The following LONRF2 variants were observed in gnomAD, a reference collection of about 807,000 sequenced individuals.
The protein encoded by LONRF2 is LON peptidase N-terminal domain and ring finger 2.
Under a neutral mutation model 66.6 loss-of-function variants are expected in LONRF2, and 35 were observed. That is an observed-to-expected ratio of 0.53 (90% CI 0.40 to 0.70). LONRF2 has a LOEUF of 0.70. Among genes scored for constraint, LONRF2 ranks in the 30% least tolerant of loss-of-function variants. The pLI is 0.00. For synonymous variants in LONRF2, 417 were observed against 418.1 expected (o/e 1.00, Z 0.03); for missense variants, 902 against 1,002.1 (o/e 0.90, Z 1.35).
chr2:100,299,007 G>A (rs760201263), intron 6 of LONRF2, 57 bp from the exon 7 acceptor site: 2 of 1,383,834 alleles, frequency 1.4e-6, no homozygotes, highest in Non-Finnish European at 2.1e-6. Context: ...TTCAAATCAT[G>A]GACTGGTTTT....
chr2:100,287,630 T>C (rs1383064079), intron 10 of LONRF2, among the ~76,000 whole-genome samples: 1 of 152,230 alleles, frequency 6.6e-6, no homozygotes, highest in Non-Finnish European at 1.5e-5. Flanking sequence ...TGGCCTGGGC[T>C]GATGGACTCC....
chr2:100,287,141 C>A (rs924505313), intron 10 of LONRF2, 78 bp from the exon 11 acceptor site: 1 of 1,333,518 alleles, frequency 7.5e-7, no homozygotes, highest in Admixed American at 2.7e-5. Context: ...TCTGCACCTC[C>A]ACTAAGTGGA....
chr2:100,304,013 T>C (rs1223677807), intron 2 of LONRF2, among the ~76,000 whole-genome samples: 1 of 152,156 alleles, frequency 6.6e-6, no homozygotes, highest in Admixed American at 6.5e-5. Context: ...CTTTTTTCTT[T>C]CTGTTTTTTG....
intron 4 of LONRF2, 67 bp from the exon 5 acceptor site, chr2:100,299,985 C>T: frequency 1.1e-6 from 1 of 919,238 alleles, no homozygotes; most frequent in Non-Finnish European, 1.6e-6. Context: ...AAAAAGAATG[C>T]AGAAGCCTGT....
At chr2:100,306,503 C>T (rs554100213) in intron 2 of LONRF2, among the ~76,000 whole-genome samples, 1 of 152,304 alleles carries the variant, frequency 6.6e-6, no homozygotes, top group South Asian at 2.1e-4. Context: ...TATAAGTTCG[C>T]TGTTTGGGTA....
chr2:100,305,096 T>C (rs1168059744), intron 2 of LONRF2, among the ~76,000 whole-genome samples: 2 of 152,200 alleles, frequency 1.3e-5, no homozygotes, highest in Non-Finnish European at 2.9e-5. Context: ...TCTGAACTCC[T>C]GGTACTTTCA....
At position 100,321,965 on chromosome 2, in the gene LONRF2, G is replaced by C. The variant is rs1374757877; in HGVS notation, c.129C>G (p.Ala43=). The C allele has an allele frequency of 1.6e-5, 23 of 1,468,010 alleles. No individual in the cohort carries two copies. The highest frequency in any genetic ancestry group is 2.2e-5 in the Admixed American group (1 of 45,576). 90.9% of individuals were successfully genotyped at this position (1,468,010 alleles called of 1,614,324 possible). The change falls in exon 1 of 12, where the codon GCC becomes GCG. Residue 43 remains alanine (A), a synonymous_variant. Coordinates refer to ENST00000393437, the MANE Select transcript of LONRF2 (RefSeq NM_198461.4). The part of the protein sequence containing the change: ...AFRAGDYEMA[A]ELFRSMLAGL... ...CGGCTAGCATGGAGCGAAAGAGCTC[G>C]GCTGCCATCTCGTAGTCGCCCGCGC...
chr2:100,321,857 G>C lies in LONRF2; in HGVS notation c.237C>G (p.Gly79=), dbSNP rs1334437450. 2 of 1,186,116 alleles carry C rather than the reference G, an allele frequency of 1.7e-6. No individual in the cohort carries two copies. The highest frequency in any genetic ancestry group is 3.2e-5 in the African/African-American group (2 of 62,122). The allele number at this position is 1,186,116 out of a possible 1,614,324, so 73.5% of individuals were successfully genotyped here. Residue 79 remains glycine, a synonymous_variant, in exon 1 of 12, where the codon GGC becomes GGG. Transcript: ENST00000393437. The part of the protein sequence containing the change: ...ARAGRLPEAL[G]AFRGAARLGA... ...CGAGCCGCGCGGCGCCGCGGAACGC[G>C]CCCAGGGCTTCGGGGAGGCGGCCGG...
At position 100,298,877 on chromosome 2, in the gene LONRF2, G is replaced by C. The variant is rs754701521; in HGVS notation, c.1435C>G (p.His479Asp). ...TTGCACAAAGGACAGTGTGGGGCGTGGTCAAGGCAGCGCTCAAGGCATTTT... is the reference window on the plus strand; with the variant it reads ...TTGCACAAAGGACAGTGTGGGGCGTCGTCAAGGCAGCGCTCAAGGCATTTT... ...CLKCLERCLDHAPHCPLCKDK... is the reference protein window; with the variant it reads ...CLKCLERCLDDAPHCPLCKDK... Residue 479 changes from histidine (H) to aspartate (D), a missense_variant, in exon 7 of 12, where the codon CAC (histidine) becomes GAC (aspartate). By Grantham distance (81) the His-to-Asp change is moderately conservative (BLOSUM62 -1). Coordinates refer to ENST00000393437, the MANE Select transcript of LONRF2 (RefSeq NM_198461.4). 1 of 1,613,998 alleles carries C rather than the reference G, an allele frequency of 6.2e-7. No homozygotes were observed. The highest frequency in any genetic ancestry group is 8.5e-7 in the Non-Finnish European group (1 of 1,180,006).
rs1340059623 is a variant in LONRF2, at chr2:100,274,968, G to A, written c.*9330C>T. 1.3e-5 allele frequency: 2 copies of A among 152,316 alleles called. No homozygotes were observed. Among genetic ancestry groups the A allele is most frequent in the African/African-American group, 4.8e-5 (2 of 41,474 alleles). The allele number at this position is 152,316 out of a possible 1,614,324, so 9.4% of individuals were successfully genotyped here. A position where few individuals can be genotyped will look rare whatever the true frequency, so the allele number is the denominator to read the frequency against. On this transcript the variant is annotated 3_prime_UTR_variant, in exon 12 of 12. Transcript: ENST00000393437. Reference sequence around the variant, plus strand: ...ATACCACGGGCACAGTGAGCAGGGTGAGTCCGTGTGTGGCACAGGGCATGC... The same window carrying A: ...ATACCACGGGCACAGTGAGCAGGGTAAGTCCGTGTGTGGCACAGGGCATGC...
chr2:100,284,121 A>T lies in LONRF2; in HGVS notation c.*177T>A. 1.7e-6 allele frequency: 1 copy of T among 600,312 alleles called. No individual in the cohort carries two copies. The allele number at this position is 600,312 out of a possible 1,614,324, so 37.2% of individuals were successfully genotyped here. ...CTTCAGGCTAACCTCACACAAGGTC[A>T]GATCCCACCAGACACAGAATTGTCA... On this transcript the variant is annotated 3_prime_UTR_variant, in exon 12 of 12. Coordinates refer to ENST00000393437, the MANE Select transcript of LONRF2 (RefSeq NM_198461.4).
intron 10 of LONRF2, among the ~76,000 whole-genome samples, chr2:100,287,412 A>G (rs763331371): frequency 4.6e-5 from 7 of 152,236 alleles, no homozygotes; most frequent in Non-Finnish European, 8.8e-5. Context: ...ATTTTTAAAA[A>G]TAACACAATA....
intron 1 of LONRF2, among the ~76,000 whole-genome samples, chr2:100,319,989 A>G (rs1675587895): frequency 6.6e-6 from 1 of 152,240 alleles, no homozygotes. Context: ...CAACATCTAA[A>G]TACAGATGAA....
intron 1 of LONRF2, among the ~76,000 whole-genome samples, chr2:100,311,503 A>G (rs1293657514): frequency 6.6e-6 from 1 of 152,080 alleles, no homozygotes; most frequent in Non-Finnish European, 1.5e-5. Context: ...CAATCTGCCA[A>G]TGGATTCTCT....
Position 100,321,664 on chromosome 2 carries a change from G to C in LONRF2, c.430C>G (p.Pro144Ala). ...TTATGCAGCAGCCGCCGGCAGCGCG[G>C]GCAGCCGAGCAGGTCGCGGGGCGCG... is the stretch of plus-strand genomic sequence containing the variant. ...PRAPRDLLGC[P>A]RCRRLLHKPV... is the part of the protein sequence containing the mutation. Residue 144 changes from proline (P) to alanine (A), a missense_variant, in exon 1 of 12, where the codon CCG becomes GCG. Physicochemically the swap from Pro to Ala is conservative, Grantham distance 27 (BLOSUM62 -1). Transcript: ENST00000393437. 1 of 1,369,650 alleles carries C rather than the reference G, an allele frequency of 7.3e-7. No individual in the cohort carries two copies. The highest frequency in any genetic ancestry group is 9.4e-7 in the Non-Finnish European group (1 of 1,061,444). 84.8% of individuals were successfully genotyped at this position (1,369,650 alleles called of 1,614,324 possible). A position where few individuals can be genotyped will look rare whatever the true frequency, so the allele number is the denominator to read the frequency against.
At position 100,275,109 on chromosome 2, in the gene LONRF2, T is replaced by G. The variant is rs1276837121; in HGVS notation, c.*9189A>C. The G allele has an allele frequency of 6.6e-6, 1 of 152,250 alleles. No homozygotes were observed. The highest frequency in any genetic ancestry group is 2.4e-5 in the African/African-American group (1 of 41,456). The allele number at this position is 152,250 out of a possible 1,614,324, so 9.4% of individuals were successfully genotyped here. A position where few individuals can be genotyped will look rare whatever the true frequency, so the allele number is the denominator to read the frequency against. Reference sequence around the variant, plus strand: ...CGTATGCTGTGTCTGCCAGTGTCTGTGACAGTCCAGCCTAAATTATAAGAG... The same window carrying G: ...CGTATGCTGTGTCTGCCAGTGTCTGGGACAGTCCAGCCTAAATTATAAGAG... On this transcript the variant is annotated 3_prime_UTR_variant, in exon 12 of 12. Transcript: ENST00000393437.
intron 1 of LONRF2, among the ~76,000 whole-genome samples, chr2:100,314,488 T>C (rs565404258): frequency 2.0e-5 from 3 of 152,336 alleles, no homozygotes; most frequent in East Asian, 3.9e-4. Flanking sequence ...TGGCTTTTTC[T>C]TTTTGAATCA....
chr2:100,302,823 T>C, intron 3 of LONRF2, 98 bp downstream of exon 3: 1 of 1,217,910 alleles, frequency 8.2e-7, no homozygotes, highest in South Asian at 2.3e-5. Flanking sequence ...CATTCAGAAT[T>C]ATATTTCTTG....
intron 1 of LONRF2, among the ~76,000 whole-genome samples, chr2:100,315,470 G>A (rs1400551116): frequency 1.3e-5 from 2 of 152,108 alleles, no homozygotes; most frequent in African/African-American, 4.8e-5. Flanking sequence ...ATGCTGAGTG[G>A]CAGTGAGAAT....
Sources: allele counts gnomAD v4.1 joint callset (sites outside exome capture counted in the v4.1 genomes callset), GRCh38; gene constraint gnomAD v4.1.1; transcripts MANE v1.5; gene names NCBI Gene and HGNC (gene_info 2026-07-23, HGNC 2026-07-21).